Variants in L3MBTL4 observed in about 807,000 individuals in gnomAD.
L3MBTL4 encodes the protein lethal(3)malignant brain tumor-like protein 4.
In L3MBTL4, 70 loss-of-function variants were observed where a neutral mutation model predicts 84.5. The ratio of observed to expected loss-of-function variants is 0.83; its 90% confidence interval spans 0.68 to 1.01. L3MBTL4 has a LOEUF of 1.01. Among genes scored for constraint, L3MBTL4 ranks in the 50% least tolerant of loss-of-function variants. L3MBTL4 has a pLI of 0.00. For synonymous variants in L3MBTL4, 274 were observed against 259.8 expected (o/e 1.05, Z -0.52); for missense variants, 715 against 754.8 (o/e 0.95, Z 0.62).
At position 6,274,635 on chromosome 18, in the gene L3MBTL4, T is replaced by C. The variant is rs990188215; in HGVS notation, c.128-10597A>G. 7.2e-5 allele frequency among the ~76,000 whole-genome samples: 11 copies of C among 152,348 alleles called. 1 individual carries two copies. The East Asian group carries it at 2.1e-3, about 29-fold the overall frequency. Reference sequence around the variant, plus strand: ...TGTCACAGTAAGTTTTGGACTTGTTTCTCCTCTTCCCTGCCTATTGTTTTT... The same window carrying C: ...TGTCACAGTAAGTTTTGGACTTGTTCCTCCTCTTCCCTGCCTATTGTTTTT... On this transcript the variant is annotated intron_variant, in intron 4 of 18. Transcript: ENST00000317931.
At chr18:6,319,941 A>G (rs1354400260) in intron 1 of L3MBTL4, among the ~76,000 whole-genome samples, 1 of 152,138 alleles carries the variant, frequency 6.6e-6, no homozygotes, top group Non-Finnish European at 1.5e-5. Context: ...AAGATAATAC[A>G]CCATGAACAA....
chr18:6,083,040 T>A (rs1837126412), intron 15 of L3MBTL4, among the ~76,000 whole-genome samples: 1 of 152,156 alleles, frequency 6.6e-6, no homozygotes, highest in Non-Finnish European at 1.5e-5. Flanking sequence ...ACCTGCCCCA[T>A]CTTGGGCACA....
intron 17 of L3MBTL4, among the ~76,000 whole-genome samples, chr18:5,961,102 T>G (rs547138892): frequency 3.0e-4 from 45 of 152,340 alleles, no homozygotes; most frequent in African/African-American, 9.6e-4. Context: ...CTGTTTTGCT[T>G]GTTTTATTCT....
At chr18:6,093,094 T>C (rs764468192) in intron 15 of L3MBTL4, among the ~76,000 whole-genome samples, 1 of 152,228 alleles carries the variant, frequency 6.6e-6, no homozygotes, top group Non-Finnish European at 1.5e-5. Context: ...ACAAATGAGA[T>C]ATACTTTCTA....
chr18:6,250,252 T>G (rs1041252242), intron 5 of L3MBTL4, among the ~76,000 whole-genome samples: 1 of 152,166 alleles, frequency 6.6e-6, no homozygotes, highest in African/African-American at 2.4e-5. Context: ...TTATTTAAAA[T>G]GCTTGTAAAA....
chr18:6,006,164 A>G (rs1305185911), intron 16 of L3MBTL4, among the ~76,000 whole-genome samples: 2 of 152,262 alleles, frequency 1.3e-5, no homozygotes, highest in Non-Finnish European at 2.9e-5. Flanking sequence ...GGTTCCCATT[A>G]GTGCTTCTGG....
chr18:6,144,175 G>A (rs577627967), intron 13 of L3MBTL4, among the ~76,000 whole-genome samples: 33 of 120,588 alleles, frequency 2.7e-4, no homozygotes, highest in South Asian at 1.1e-3. Context: ...CAGCCTGGGC[G>A]ACAGAGTGAG....
chr18:6,379,809 T>C (rs2054522682), intron 1 of L3MBTL4, among the ~76,000 whole-genome samples: 2 of 152,240 alleles, frequency 1.3e-5, no homozygotes, highest in African/African-American at 4.8e-5. Flanking sequence ...CAGGTTTTGG[T>C]ATCGGAATGA....
At chr18:6,352,487 A>G (rs2143802624) in intron 1 of L3MBTL4, among the ~76,000 whole-genome samples, 1 of 152,362 alleles carries the variant, frequency 6.6e-6, no homozygotes, top group South Asian at 2.1e-4. Flanking sequence ...TCCATATCAC[A>G]TGCTCTATCT....
chr18:6,072,883 T>A (rs12457563), intron 16 of L3MBTL4, among the ~76,000 whole-genome samples: 1,675 of 7,618 alleles, frequency 0.22, 404 homozygotes, highest in East Asian at 0.41. Flanking sequence ...AAAAAAAAAA[T>A]ATATATATAT....
chr18:6,327,248 G>T (rs1032123437), intron 1 of L3MBTL4, among the ~76,000 whole-genome samples: 3 of 152,162 alleles, frequency 2.0e-5, no homozygotes, highest in Non-Finnish European at 2.9e-5. Context: ...CTGGAACTAT[G>T]CATGCCTAGA....
chr18:6,037,540 C>A (rs1164713603), intron 16 of L3MBTL4, among the ~76,000 whole-genome samples: 1 of 152,182 alleles, frequency 6.6e-6, no homozygotes, highest in Admixed American at 6.5e-5. Flanking sequence ...TTAAAAAAGG[C>A]CACCACGCTC....
intron 13 of L3MBTL4, among the ~76,000 whole-genome samples, chr18:6,158,072 C>T (rs928338730): frequency 2.0e-5 from 3 of 152,166 alleles, no homozygotes; most frequent in Non-Finnish European, 4.4e-5. Context: ...GTGGCCTCTA[C>T]AGATGCATGT....
intron 1 of L3MBTL4, among the ~76,000 whole-genome samples, chr18:6,325,788 A>G (rs930213237): frequency 6.6e-6 from 1 of 152,220 alleles, no homozygotes; most frequent in East Asian, 1.9e-4. Context: ...ATATTATAAG[A>G]TTTCTTAAAG....
intron 16 of L3MBTL4, among the ~76,000 whole-genome samples, chr18:6,013,686 C>A (rs933288587): frequency 7.9e-5 from 12 of 152,146 alleles, no homozygotes; most frequent in Admixed American, 7.2e-4. Context: ...TCTTGCAATT[C>A]GAATTTTGCA....
intron 16 of L3MBTL4, among the ~76,000 whole-genome samples, chr18:6,066,632 C>T: frequency 6.6e-6 from 1 of 151,860 alleles, no homozygotes; most frequent in Non-Finnish European, 1.5e-5. Context: ...CTTTTTTTAA[C>T]TGTTGTTGCT....
intron 13 of L3MBTL4, among the ~76,000 whole-genome samples, chr18:6,144,772 A>G (rs1473132005): frequency 6.6e-6 from 1 of 152,208 alleles, no homozygotes; most frequent in East Asian, 1.9e-4. Context: ...TCCTGTTAAA[A>G]GGGCGAAGAT....
rs1443513293 is a variant in L3MBTL4 at position 6,192,888 on chromosome 18, A to G, written c.981+20261T>C. Among the ~76,000 whole-genome samples, 4 of 152,128 alleles carry G rather than the reference A, an allele frequency of 2.6e-5. No individual in the cohort carries two copies. In the East Asian group the frequency reaches 7.8e-4, roughly 30 times the overall value. Reference sequence around the variant, plus strand: ...AGCTAAAGGTTTATGCAATGATCCAATTATATCTATTGTACATGGAGTTCA... The same window carrying G: ...AGCTAAAGGTTTATGCAATGATCCAGTTATATCTATTGTACATGGAGTTCA... On this transcript the variant is annotated intron_variant, in intron 12 of 18. Coordinates refer to ENST00000317931, the MANE Select transcript of L3MBTL4 (RefSeq NM_001330559.2).
At chr18:6,044,005 A>T (rs756335783) in intron 16 of L3MBTL4, among the ~76,000 whole-genome samples, 1 of 152,206 alleles carries the variant, frequency 6.6e-6, no homozygotes, top group Non-Finnish European at 1.5e-5. Context: ...TACTTGCTCC[A>T]TAAAATATAT....
Sources: allele counts gnomAD v4.1 joint callset (sites outside exome capture counted in the v4.1 genomes callset), GRCh38; gene constraint gnomAD v4.1.1; transcripts MANE v1.5; gene names NCBI Gene and HGNC (gene_info 2026-07-23, HGNC 2026-07-21).